The following ADGRL2 variants were observed in gnomAD, a reference collection of about 807,000 sequenced individuals.
The protein encoded by ADGRL2 is adhesion G protein-coupled receptor L2.
A neutral mutation model predicts 157.4 loss-of-function variants in ADGRL2; 44 were observed. The ratio of observed to expected loss-of-function variants is 0.28; its 90% CI spans 0.22 to 0.36. The LOEUF is 0.36. Ranked by LOEUF, ADGRL2 falls within the 10% of genes least tolerant of loss-of-function variation. The pLI is 1.00. For missense variants in ADGRL2, 1,510 were observed against 1,768.9 expected, an observed-to-expected ratio of 0.85 and a Z score of 2.63; for synonymous variants, 585 against 624.7, an observed-to-expected ratio of 0.94 and a Z score of 0.95.
At chr1:81,895,393 C>CTTTTTTTTT (rs34557038) in intron 2 of ADGRL2, among the ~76,000 whole-genome samples, 6 of 97,588 alleles carry the variant, frequency 6.1e-5, no homozygotes, top group South Asian at 3.8e-4. Flanking sequence ...TTAAATGTAT[C>CTTTTTTTTT]TTTTTTTTTT....
At chr1:81,505,272 T>G in intron 2 of ADGRL2, 1 of 533,242 alleles carries the variant, frequency 1.9e-6, no homozygotes. Context: ...GCCTGCAGGG[T>G]GTGGGCAGAG....
chr1:81,454,021 T>C (rs1356702434), intron 2 of ADGRL2, among the ~76,000 whole-genome samples: 3 of 152,192 alleles, frequency 2.0e-5, no homozygotes, highest in Non-Finnish European at 4.4e-5. Context: ...TCAGTACTTA[T>C]GGACTTAAGG....
intron 3 of ADGRL2, among the ~76,000 whole-genome samples, chr1:81,654,294 T>A (rs1157800028): frequency 6.6e-6 from 1 of 152,178 alleles, no homozygotes; most frequent in Non-Finnish European, 1.5e-5. Context: ...ATCAGCAGTG[T>A]TCTCTCAGTC....
chr1:81,734,280 A>AG (rs1322049604), intron 1 of ADGRL2, among the ~76,000 whole-genome samples: 1 of 151,564 alleles, frequency 6.6e-6, no homozygotes, highest in Non-Finnish European at 1.5e-5. Context: ...TCCATCTCAA[A>AG]GAAAAAAAAA....
At position 81,420,463 on chromosome 1, in the gene ADGRL2, A is replaced by C. The variant is rs2077105118; in HGVS notation, c.-301-24573A>C. Among the ~76,000 whole-genome samples the C allele has an allele frequency of 2.0e-5, 3 of 152,212 alleles. No homozygotes were observed. In the South Asian group the frequency reaches 6.2e-4, roughly 32 times the overall value. ...ATAGAAATTATAAGAAAATAAGTTT[A>C]TCTTTCATGTTTGAAACCAGGAACA... On this transcript the variant is annotated intron_variant, in intron 1 of 24. Transcript: ENST00000370721.
intron 1 of ADGRL2, among the ~76,000 whole-genome samples, chr1:81,737,118 G>A (rs532198552): frequency 2.3e-3 from 356 of 152,300 alleles, no homozygotes; most frequent in African/African-American, 8.2e-3. Flanking sequence ...ACAGGCATGA[G>A]CCACCATGCC....
At chr1:81,853,921 A>G (rs1043747975) in intron 2 of ADGRL2, among the ~76,000 whole-genome samples, 4 of 152,152 alleles carry the variant, frequency 2.6e-5, no homozygotes, top group Non-Finnish European at 5.9e-5. Flanking sequence ...TGAAGCATTT[A>G]TAACTGTTAC....
chr1:81,673,388 C>G (rs1482102040), intron 3 of ADGRL2, among the ~76,000 whole-genome samples: 1 of 151,922 alleles, frequency 6.6e-6, no homozygotes, highest in East Asian at 1.9e-4. Context: ...TATTGTCTCA[C>G]TTTTCTATGG....
intron 1 of ADGRL2, among the ~76,000 whole-genome samples, chr1:81,339,789 A>G (rs1235815356): frequency 6.6e-6 from 1 of 152,132 alleles, no homozygotes; most frequent in African/African-American, 2.4e-5. Context: ...GTACATTCTG[A>G]ACCTTCTACC....
intron 1 of ADGRL2, chr1:81,722,652 A>G (rs2084372521): frequency 7.3e-7 from 1 of 1,373,766 alleles, no homozygotes; most frequent in Non-Finnish European, 1.0e-6. Flanking sequence ...ATGCTAGTAC[A>G]ATGCTGAAAG....
At chr1:81,391,332 A>G (rs1481084936) in intron 1 of ADGRL2, among the ~76,000 whole-genome samples, 4 of 152,306 alleles carry the variant, frequency 2.6e-5, no homozygotes, top group Non-Finnish European at 4.4e-5. Flanking sequence ...AAGTGCTGGC[A>G]TAGAAGAGCT....
intron 1 of ADGRL2, among the ~76,000 whole-genome samples, chr1:81,406,224 CTG>C (rs1382475253): frequency 2.6e-5 from 4 of 152,162 alleles, no homozygotes; most frequent in African/African-American, 9.7e-5. Context: ...CACAGACCCT[CTG>C]TGTTAAGGGC....
intron 3 of ADGRL2, among the ~76,000 whole-genome samples, chr1:81,936,241 A>C (rs1040788396): frequency 7.2e-5 from 11 of 151,964 alleles, no homozygotes; most frequent in African/African-American, 2.7e-4. Context: ...GGATAAAATT[A>C]AAATCCTGGC....
At chr1:81,571,271 G>T (rs1310892888) in intron 2 of ADGRL2, among the ~76,000 whole-genome samples, 1 of 151,146 alleles carries the variant, frequency 6.6e-6, no homozygotes, top group Non-Finnish European at 1.5e-5. Context: ...GTTGCAGTGA[G>T]CCAAGATCAT....
At chr1:81,705,838 C>T (rs1010250325) in intron 1 of ADGRL2, among the ~76,000 whole-genome samples, 1 of 151,964 alleles carries the variant, frequency 6.6e-6, no homozygotes, top group Non-Finnish European at 1.5e-5. Context: ...CCCAGGAGTT[C>T]GAGATTGCAG....
chr1:81,965,428 A>G (rs1656768047), intron 11 of ADGRL2, among the ~76,000 whole-genome samples: 1 of 152,222 alleles, frequency 6.6e-6, no homozygotes, highest in Non-Finnish European at 1.5e-5. Flanking sequence ...GATGGTTACT[A>G]GTGAGAATTA....
intron 1 of ADGRL2, among the ~76,000 whole-genome samples, chr1:81,814,213 G>A (rs560765735): frequency 1.9e-4 from 29 of 151,530 alleles, no homozygotes; most frequent in Non-Finnish European, 3.4e-4. Context: ...AAAAAAATAC[G>A]AATTTATGAT....
At chr1:81,369,479 G>C (rs779533414) in intron 1 of ADGRL2, among the ~76,000 whole-genome samples, 9 of 152,016 alleles carry the variant, frequency 5.9e-5, no homozygotes, top group Non-Finnish European at 8.8e-5. Context: ...TTTTGTTTGA[G>C]TTAGGGTTAA....
At chr1:81,812,010 T>C (rs2089921908) in intron 1 of ADGRL2, among the ~76,000 whole-genome samples, 1 of 151,742 alleles carries the variant, frequency 6.6e-6, no homozygotes, top group Non-Finnish European at 1.5e-5. Context: ...TCTGCTCAAG[T>C]TGCCATCTTA....
Sources: gnomAD v4.1 joint callset for allele counts (sites outside exome capture counted in the v4.1 genomes callset) on GRCh38, gnomAD v4.1.1 for gene constraint, MANE v1.5 for transcripts, NCBI Gene and HGNC (gene_info 2026-07-23, HGNC 2026-07-21) for gene names.